Variants in RABGEF1 observed in about 807,000 individuals in gnomAD.
The protein encoded by RABGEF1 is RAB guanine nucleotide exchange factor 1.
In RABGEF1, 26 loss-of-function variants were observed where a neutral mutation model predicts 57.3. The observed-to-expected ratio is 0.45, with a 90% CI of 0.33 to 0.63. RABGEF1 has a LOEUF of 0.63. Among genes scored for constraint, RABGEF1 ranks in the 20% least tolerant of loss-of-function variants. The pLI is 0.02. For missense variants in RABGEF1, 464 were observed against 607.6 expected, an observed-to-expected ratio of 0.76 and a Z score of 2.48; for synonymous variants, 185 against 210.7, an observed-to-expected ratio of 0.88 and a Z score of 1.06.
intron 1 of RABGEF1, among the ~76,000 whole-genome samples, chr7:66,746,586 G>A (rs1367433061): frequency 1.3e-5 from 2 of 149,828 alleles, no homozygotes; most frequent in Non-Finnish European, 3.0e-5. Flanking sequence ...ACCGTGCCCG[G>A]CAGGAAGTGC....
At chr7:66,689,151 CACTTTA>C (rs1243954001) in intron 1 of RABGEF1, among the ~76,000 whole-genome samples, 3 of 151,944 alleles carry the variant, frequency 2.0e-5, no homozygotes, top group African/African-American at 7.3e-5. Flanking sequence ...CCTAACTATA[CACTTTA>C]AAGGATCTAG....
chr7:66,772,046 G>A lies in RABGEF1; in HGVS notation c.147G>A (p.Lys49=). ...WREEYHKARQ[K]QIQEDWELAE... ...AAGAGTACCACAAAGCCAGGCAGAA[G>A]CAGATTCAGGAGGACTGGGAGCTGG... The change falls in exon 2 of 9, where the codon AAG becomes AAA. Residue 49 remains lysine, a synonymous_variant. Coordinates refer to ENST00000284957, the MANE Select transcript of RABGEF1 (RefSeq NM_014504.3). The A allele has an allele frequency of 6.4e-7, 1 of 1,574,458 alleles. No individual in the cohort carries two copies. The highest frequency in any genetic ancestry group is 1.2e-5 in the South Asian group (1 of 85,338).
chr7:66,737,206 AG>A (rs942318575), upstream of RABGEF1, among the ~76,000 whole-genome samples: 17 of 152,038 alleles, frequency 1.1e-4, no homozygotes, highest in African/African-American at 3.6e-4. Flanking sequence ...CTGGTATTAC[AG>A]TATTTATTTA....
intron 1 of RABGEF1, among the ~76,000 whole-genome samples, chr7:66,752,047 C>T (rs530023567): frequency 1.3e-5 from 2 of 151,980 alleles, no homozygotes; most frequent in Non-Finnish European, 2.9e-5. Flanking sequence ...CCAAAAAAAA[C>T]CCGCAAAAAA....
intron 1 of RABGEF1, among the ~76,000 whole-genome samples, chr7:66,693,517 C>G (rs1791850932): frequency 6.6e-6 from 1 of 152,106 alleles, no homozygotes; most frequent in South Asian, 2.1e-4. Flanking sequence ...GGTCCCCTGA[C>G]TACTCCTCCT....
chr7:66,774,788 A>G (rs981996625), intron 2 of RABGEF1, among the ~76,000 whole-genome samples: 3 of 152,138 alleles, frequency 2.0e-5, no homozygotes, highest in African/African-American at 7.2e-5. Flanking sequence ...GATCCTATTT[A>G]TCCTTTAAGA....
upstream of RABGEF1, chr7:66,682,045 CAT>C (rs1562685732): frequency 3.5e-3 from 580 of 166,220 alleles, 4 homozygotes; most frequent in African/African-American, 0.013. Context: ...TTCCTCCCGT[CAT>C]CAGCCAAAGG....
chr7:66,693,152 G>C (rs1187001009), intron 1 of RABGEF1, among the ~76,000 whole-genome samples: 1 of 152,136 alleles, frequency 6.6e-6, no homozygotes, highest in Non-Finnish European at 1.5e-5. Context: ...CAGGGTGTAA[G>C]GGGGAGATTC....
chr7:66,762,844 C>G (rs1562806849), intron 1 of RABGEF1, among the ~76,000 whole-genome samples: 1 of 152,112 alleles, frequency 6.6e-6, no homozygotes, highest in South Asian at 2.1e-4. Context: ...AGGCCTCTCA[C>G]AGTCTGATGT....
chr7:66,789,183 A>T (rs1584136091), intron 4 of RABGEF1, among the ~76,000 whole-genome samples: 1 of 152,150 alleles, frequency 6.6e-6, no homozygotes, highest in South Asian at 2.1e-4. Context: ...CTGCCACGTA[A>T]TTTACTGTCA....
intron 4 of RABGEF1, among the ~76,000 whole-genome samples, chr7:66,791,280 T>G (rs1169192745): frequency 6.6e-6 from 1 of 152,210 alleles, no homozygotes; most frequent in Non-Finnish European, 1.5e-5. Flanking sequence ...CCCTGTTTTC[T>G]TCATCTAAAT....
chr7:66,678,947 C>T (rs1001340893), upstream of RABGEF1, among the ~76,000 whole-genome samples: 6 of 152,186 alleles, frequency 3.9e-5, no homozygotes, highest in Non-Finnish European at 5.9e-5. Flanking sequence ...AAGAATCCCT[C>T]CTCTAAACCA....
intron 3 of RABGEF1, among the ~76,000 whole-genome samples, chr7:66,781,013 C>T (rs1809755531): frequency 6.6e-6 from 1 of 152,074 alleles, no homozygotes; most frequent in African/African-American, 2.4e-5. Context: ...TTTTATCAGA[C>T]TGTTTATAGC....
chr7:66,692,576 T>C (rs1457225683), intron 1 of RABGEF1, among the ~76,000 whole-genome samples: 1 of 152,060 alleles, frequency 6.6e-6, no homozygotes, highest in Non-Finnish European at 1.5e-5. Context: ...TGGGCAGAGA[T>C]TGCACAGGAA....
chr7:66,730,485 G>A (rs1797181494), intron 2 of RABGEF1, among the ~76,000 whole-genome samples: 1 of 151,962 alleles, frequency 6.6e-6, no homozygotes, highest in African/African-American at 2.4e-5. Flanking sequence ...TCAACCTCCT[G>A]GGCTTAAGTT....
chr7:66,686,929 C>T (rs544549859), intron 1 of RABGEF1, among the ~76,000 whole-genome samples: 2 of 151,574 alleles, frequency 1.3e-5, no homozygotes, highest in Non-Finnish European at 2.9e-5. Flanking sequence ...TCAAGCCATT[C>T]TCCTGCCTCA....
chr7:66,779,826 C>G (rs774484194), intron 3 of RABGEF1, among the ~76,000 whole-genome samples: 14 of 152,146 alleles, frequency 9.2e-5, no homozygotes, highest in Non-Finnish European at 1.6e-4. Context: ...ATCTTACACA[C>G]GGAATCCCTA....
rs200131535 is a variant in RABGEF1 at position 66,734,017 on chromosome 7, CA to C, written c.-814-5971del. 2.3e-4 allele frequency among the ~76,000 whole-genome samples: 35 copies of C among 151,954 alleles called. No individual in the cohort carries two copies. The East Asian group carries it at 3.5e-3, about 15-fold the overall frequency. On this transcript the variant is annotated intron_variant and NMD_transcript_variant, in intron 2 of 9. Transcript: ENST00000607882. ...GAGACTCCGTCTCAAAAACAAAAAA[CA>C]AAAAAAACCTCCTAGAGGCAGTCAT... is the stretch of plus-strand genomic sequence containing the variant.
At chr7:66,660,658 A>AT in the RABGEF1 span, among the ~76,000 whole-genome samples, 1 of 152,178 alleles carries the variant, frequency 6.6e-6, no homozygotes, top group Non-Finnish European at 1.5e-5. Flanking sequence ...GGGTAAACCT[A>AT]TAACTAGTAA....
Sources: gnomAD v4.1 joint callset for allele counts (sites outside exome capture counted in the v4.1 genomes callset) on GRCh38, gnomAD v4.1.1 for gene constraint, MANE v1.5 for transcripts, NCBI Gene and HGNC (gene_info 2026-07-23, HGNC 2026-07-21) for gene names.